The following GSDME variants were observed in gnomAD, a reference collection of about 807,000 sequenced individuals.
GSDME encodes gasdermin-E.
GSDME carries 44 observed loss-of-function variants against 47.5 expected under a neutral mutation model. The ratio of observed to expected loss-of-function variants is 0.93; its 90% confidence interval spans 0.73 to 1.19. GSDME has a LOEUF of 1.19. Ranked by LOEUF, GSDME falls within the 50% of genes most tolerant of loss-of-function variation. The pLI is 0.00. For synonymous variants in GSDME, 258 were observed against 252.8 expected, an observed-to-expected ratio of 1.02 and a Z score of -0.20; for missense variants, 663 against 604.2, an observed-to-expected ratio of 1.10 and a Z score of -1.02.
At chr7:24,701,853 T>C (rs1484402991) in intron 9 of GSDME, among the ~76,000 whole-genome samples, 2 of 152,230 alleles carry the variant, frequency 1.3e-5, no homozygotes, top group African/African-American at 4.8e-5. Flanking sequence ...CCATGCTGCA[T>C]AGTCTTCTAA....
the GSDME span, among the ~76,000 whole-genome samples, chr7:24,788,361 C>T: frequency 6.6e-6 from 1 of 151,520 alleles, no homozygotes; most frequent in African/African-American, 2.4e-5. The surrounding 1 kb of genome is among the most constrained non-coding windows in gnomAD (Gnocchi z 4.6). Context: ...CGCCGCATGT[C>T]TCTCTACAGC....
At chr7:24,734,881 A>G (rs1395987394) in intron 3 of GSDME, among the ~76,000 whole-genome samples, 4 of 152,224 alleles carry the variant, frequency 2.6e-5, no homozygotes, top group Non-Finnish European at 5.9e-5. Flanking sequence ...TAGAAAGTTT[A>G]TTCAAAGGGT....
chr7:24,759,892 C>T (rs1371309975), upstream of GSDME, among the ~76,000 whole-genome samples: 1 of 152,114 alleles, frequency 6.6e-6, no homozygotes, highest in Non-Finnish European at 1.5e-5. Context: ...AATAATTGTG[C>T]TTATTATTAT....
Position 24,735,061 on chromosome 7 carries a change from C to A in GSDME, c.404+9501G>T, listed in dbSNP as rs1386205270. Among the ~76,000 whole-genome samples, 4 of 152,166 alleles carry A rather than the reference C, an allele frequency of 2.6e-5. No individual in the cohort carries two copies. The highest frequency in any genetic ancestry group is 9.7e-5 in the African/African-American group (4 of 41,432). On this transcript the variant is annotated intron_variant, in intron 3 of 9. Transcript: ENST00000645220. The surrounding 1 kb of genome is among the most constrained non-coding windows in gnomAD (Gnocchi z 4.4). Reference sequence around the variant, plus strand: ...GATCCTAAAAGCAGCAAGAAACTAACTGCATACAATGGAGCTCCAATATGT... The same window carrying A: ...GATCCTAAAAGCAGCAAGAAACTAAATGCATACAATGGAGCTCCAATATGT...
At position 24,728,013 on chromosome 7, in the gene GSDME, G is replaced by A. The variant is rs1790025316; in HGVS notation, c.405-8795C>T. Among the ~76,000 whole-genome samples the A allele has an allele frequency of 6.6e-6, 1 of 152,158 alleles. No individual in the cohort carries two copies. Among genetic ancestry groups the A allele is most frequent in the Non-Finnish European group, 1.5e-5 (1 of 68,008 alleles). On this transcript the variant is annotated intron_variant, in intron 3 of 9. Coordinates refer to ENST00000645220, the MANE Select transcript of GSDME (RefSeq NM_001127453.2). The surrounding 1 kb of genome is among the most constrained non-coding windows in gnomAD (Gnocchi z 7.2). ...CGTCCCCAGCACTGTTCGGGAGCTA[G>A]GGGGGCTGTAACGGGAGGAAGAGAC... is the stretch of plus-strand genomic sequence containing the variant.
Position 24,742,244 on chromosome 7 carries a change from A to G in GSDME, c.404+2318T>C, listed in dbSNP as rs1169638191. On this transcript the variant is annotated intron_variant, in intron 3 of 9. Coordinates refer to ENST00000645220, the MANE Select transcript of GSDME (RefSeq NM_001127453.2). This position sits in a 1 kb window ranked among gnomAD's most constrained non-coding sequence, Gnocchi z 4.4. ...TGTGCTATCATTTTAAGACTTTTAC[A>G]TGATTTAGAGGAAAGAACAGGAGCT... Among the ~76,000 whole-genome samples, 2 of 152,172 alleles carry G rather than the reference A, an allele frequency of 1.3e-5. No individual in the cohort carries two copies. The highest frequency in any genetic ancestry group is 2.9e-5 in the Non-Finnish European group (2 of 68,030).
the GSDME span, among the ~76,000 whole-genome samples, chr7:24,767,478 G>A: frequency 0.15 from 19,474 of 131,352 alleles, 1,617 homozygotes; most frequent in East Asian, 0.45. The surrounding 1 kb of genome is among the most constrained non-coding windows in gnomAD (Gnocchi z 5.3). Flanking sequence ...TCCCTCCCCC[G>A]CCATCACTGC....
At chr7:24,758,068 T>G (rs969474710), upstream of GSDME, 1 of 152,310 alleles carries the variant, frequency 6.6e-6, no homozygotes, top group Admixed American at 6.5e-5. The surrounding 1 kb of genome is among the most constrained non-coding windows in gnomAD (Gnocchi z 4.6). Context: ...CAACGAATAC[T>G]GAACGAGGGA....
chr7:24,719,733 C>T (rs763242194), intron 3 of GSDME, among the ~76,000 whole-genome samples: 5 of 151,718 alleles, frequency 3.3e-5, no homozygotes, highest in African/African-American at 4.8e-5. Context: ...GCGGAATTTG[C>T]AATGAGCTGA....
chr7:24,699,247 A>T lies in GSDME; in HGVS notation c.1270T>A (p.Ser424Thr). 6.2e-7 allele frequency: 1 copy of T among 1,611,432 alleles called. No individual in the cohort carries two copies. Among genetic ancestry groups the T allele is most frequent in the Non-Finnish European group, 8.5e-7 (1 of 1,177,524 alleles). Reference protein sequence around the residue: ...PTLCHLLRALSDDGVSDLEDP... With the variant: ...PTLCHLLRALTDDGVSDLEDP... ...TCAAGATCAGATACTCCATCATCAGACAGAGCACGAAGCTGAAATGACACA... is the reference window on the plus strand; with the variant it reads ...TCAAGATCAGATACTCCATCATCAGTCAGAGCACGAAGCTGAAATGACACA... The change falls in exon 10 of 10, where the codon TCT becomes ACT. Residue 424 changes from serine to threonine, a missense_variant. Ser to Thr is a moderately conservative substitution (Grantham distance 58, BLOSUM62 1). Transcript: ENST00000645220.
chr7:24,743,648 T>C (rs1790558308), intron 3 of GSDME, among the ~76,000 whole-genome samples: 2 of 151,906 alleles, frequency 1.3e-5, no homozygotes, highest in South Asian at 4.2e-4. Flanking sequence ...TTTCAGCCCC[T>C]CCGACTCTCC....
chr7:24,712,954 G>A lies in GSDME; in HGVS notation c.698-2566C>T, dbSNP rs560650519. ...AATCGTTTGAACCTGGGAGGCGGAG[G>A]TTGTGGTGAGCCAAGATCGCACCAT... On this transcript the variant is annotated intron_variant, in intron 5 of 9. Coordinates refer to ENST00000645220, the MANE Select transcript of GSDME (RefSeq NM_001127453.2). The surrounding 1 kb of genome is among the most constrained non-coding windows in gnomAD (Gnocchi z 4.4). 6.6e-6 allele frequency among the ~76,000 whole-genome samples: 1 copy of A among 151,360 alleles called. No individual in the cohort carries two copies. Among genetic ancestry groups the A allele is most frequent in the East Asian group, 1.9e-4 (1 of 5,132 alleles).
At chr7:24,784,812 G>C in the GSDME span, among the ~76,000 whole-genome samples, 1 of 151,834 alleles carries the variant, frequency 6.6e-6, no homozygotes, top group African/African-American at 2.4e-5. Flanking sequence ...CACCTGCCTT[G>C]GCCTCCAAAA....
the GSDME span, among the ~76,000 whole-genome samples, chr7:24,789,707 A>T: frequency 1.3e-5 from 2 of 152,208 alleles, no homozygotes; most frequent in Non-Finnish European, 2.9e-5. Flanking sequence ...GGAGGCAGAA[A>T]TTGGGCATAA....
At chr7:24,709,801 A>T (rs776893169) in intron 6 of GSDME, among the ~76,000 whole-genome samples, 7 of 152,202 alleles carry the variant, frequency 4.6e-5, no homozygotes, top group Non-Finnish European at 1.0e-4. Context: ...GCATTTTGCA[A>T]GGCTGACAAA....
the GSDME span, among the ~76,000 whole-genome samples, chr7:24,787,355 C>T: frequency 6.6e-6 from 1 of 152,156 alleles, no homozygotes; most frequent in African/African-American, 2.4e-5. The surrounding 1 kb of genome is among the most constrained non-coding windows in gnomAD (Gnocchi z 5.0). Flanking sequence ...TTGTAAACCA[C>T]ATGCCATTTT....
chr7:24,776,482 A>G, the GSDME span, among the ~76,000 whole-genome samples: 1 of 152,166 alleles, frequency 6.6e-6, no homozygotes, highest in Non-Finnish European at 1.5e-5. Context: ...ACATATAAGC[A>G]ATCTTGTTTC....
Position 24,735,992 on chromosome 7 carries a change from G to A in GSDME, c.404+8570C>T, listed in dbSNP as rs1790294952. Among the ~76,000 whole-genome samples, 2 of 151,922 alleles carry A rather than the reference G, an allele frequency of 1.3e-5. No individual in the cohort carries two copies. Among genetic ancestry groups the A allele is most frequent in the Admixed American group, 6.6e-5 (1 of 15,242 alleles). On this transcript the variant is annotated intron_variant, in intron 3 of 9. Transcript: ENST00000645220. This position sits in a 1 kb window ranked among gnomAD's most constrained non-coding sequence, Gnocchi z 4.4. ...GGGTTACAATAATGGGATGGTATTT[G>A]CAAGCCTCATGGTAACCTCAAATAA...
chr7:24,793,714 C>A, the GSDME span, among the ~76,000 whole-genome samples: 17 of 152,106 alleles, frequency 1.1e-4, no homozygotes, highest in African/African-American at 3.6e-4. Flanking sequence ...CTTTAAACAA[C>A]CAGTTAATTT....
Sources: gnomAD v4.1 joint callset for allele counts (sites outside exome capture counted in the v4.1 genomes callset) on GRCh38, gnomAD v4.1.1 for gene constraint, Gnocchi (gnomAD v3.1) non-coding constraint, MANE v1.5 for transcripts, NCBI Gene and HGNC (gene_info 2026-07-23, HGNC 2026-07-21) for gene names.